DRC1: variants seen among roughly 807,000 people sequenced by gnomAD.
DRC1 encodes the protein dynein regulatory complex protein 1.
Under a neutral mutation model 98.7 loss-of-function variants are expected in DRC1, and 74 were observed. The observed-to-expected ratio is 0.75, with a 90% CI of 0.62 to 0.91. The LOEUF (loss-of-function observed/expected upper bound fraction) is 0.91, where lower values mean the gene tolerates loss of function less well. DRC1 is among the 40% of genes least tolerant of loss of function. The pLI, the probability that DRC1 is intolerant of heterozygous loss-of-function variation, is 0.00. For synonymous variants in DRC1, 336 were observed against 334.1 expected, an observed-to-expected ratio of 1.01 and a Z score of -0.06; for missense variants, 875 against 886.0, an observed-to-expected ratio of 0.99 and a Z score of 0.16.
chr2:26,407,145 T>C (rs975462582), intron 1 of DRC1, among the ~76,000 whole-genome samples: 16 of 152,190 alleles, frequency 1.1e-4, no homozygotes, highest in African/African-American at 3.9e-4. Flanking sequence ...TGGGTAAAGA[T>C]GCGAGATGGA....
chr2:26,424,461 G>A lies in DRC1; in HGVS notation c.540+7G>A. ...CATCAGCGAGTTACAGCAGGCAAGA[G>A]GCCCGGGCCCTCCAGCCCAGCCACA... On this transcript the variant is annotated splice_region_variant and intron_variant, in intron 4 of 16. Transcript: ENST00000288710. 1.3e-6 allele frequency: 2 copies of A among 1,599,594 alleles called. No homozygotes were observed. Among genetic ancestry groups the A allele is most frequent in the Non-Finnish European group, 1.7e-6 (2 of 1,169,774 alleles).
At chr2:26,418,745 ATATAAATTATATTTT>A (rs1409454980) in intron 2 of DRC1, among the ~76,000 whole-genome samples, 2 of 104,170 alleles carry the variant, frequency 1.9e-5, no homozygotes, top group African/African-American at 7.4e-5. Context: ...TTTATATATA[ATATAAATTATATTTT>A]TATATATTAT....
chr2:26,453,641 G>A (rs1366197000), intron 14 of DRC1, 92 bp downstream of exon 14: 1 of 1,312,982 alleles, frequency 7.6e-7, no homozygotes, highest in East Asian at 2.3e-5. Flanking sequence ...GTGGAGAAGA[G>A]TCTGCTGGGC....
intron 8 of DRC1, 58 bp downstream of exon 8, chr2:26,440,575 G>A: frequency 3.3e-6 from 5 of 1,511,946 alleles, no homozygotes; most frequent in Non-Finnish European, 4.4e-6. Context: ...AATAGGGATG[G>A]ATATGTACTT....
chr2:26,452,163 A>G (rs766078056), intron 13 of DRC1, among the ~76,000 whole-genome samples: 6 of 152,162 alleles, frequency 3.9e-5, no homozygotes, highest in Admixed American at 3.9e-4. Context: ...AAACAGGCAC[A>G]CTCATAAGTT....
chr2:26,416,211 T>G (rs1356343014), intron 2 of DRC1, among the ~76,000 whole-genome samples: 1 of 152,194 alleles, frequency 6.6e-6, no homozygotes, highest in Non-Finnish European at 1.5e-5. Context: ...TGACCTAAGA[T>G]CTGGGCAGGC....
intron 2 of DRC1, among the ~76,000 whole-genome samples, chr2:26,418,846 CATATTAT>C (rs1298787024): frequency 3.0e-5 from 4 of 132,328 alleles, no homozygotes; most frequent in Admixed American, 8.5e-5. Context: ...ATATATAAAG[CATATTAT>C]ATATTATATA....
At chr2:26,413,487 C>T (rs1678689835) in intron 1 of DRC1, among the ~76,000 whole-genome samples, 1 of 152,192 alleles carries the variant, frequency 6.6e-6, no homozygotes, top group East Asian at 1.9e-4. Context: ...AAGCTGGGCT[C>T]CCACCTGATA....
At chr2:26,430,923 A>G (rs781213418) in intron 6 of DRC1, 51 bp downstream of exon 6, 10 of 879,384 alleles carry the variant, frequency 1.1e-5, no homozygotes, top group Middle Eastern at 2.9e-4. Flanking sequence ...GGTGATTTTT[A>G]TTGTGACTGA....
intron 1 of DRC1, 43 bp from the exon 2 acceptor site, chr2:26,414,301 G>T (rs369691427): frequency 6.3e-7 from 1 of 1,598,898 alleles, no homozygotes; most frequent in Non-Finnish European, 8.6e-7. Context: ...TAGAATTTAC[G>T]TATTAGAAAT....
At chr2:26,437,964 C>T (rs1267745917) in intron 7 of DRC1, among the ~76,000 whole-genome samples, 1 of 151,536 alleles carries the variant, frequency 6.6e-6, no homozygotes, top group Non-Finnish European at 1.5e-5. Context: ...CGGTGGCACA[C>T]ACCTGTAATC....
chr2:26,444,203 CT>C lies in DRC1; in HGVS notation c.1029-14del. ...ACCTTCTATTCAGCTGCAGACTAACCTTTTTCTCCTTCAACCAGCCTGCATG... is the reference window on the plus strand; with the variant it reads ...ACCTTCTATTCAGCTGCAGACTAACCTTTTCTCCTTCAACCAGCCTGCATG... On this transcript the variant is annotated intron_variant, in intron 8 of 16. Coordinates refer to ENST00000288710, the MANE Select transcript of DRC1 (RefSeq NM_145038.5). 2 of 1,613,786 alleles carry C rather than the reference CT, an allele frequency of 1.2e-6. No individual in the cohort carries two copies.
chr2:26,450,114 G>T, intron 12 of DRC1, 29 bp downstream of exon 12: 1 of 1,598,934 alleles, frequency 6.3e-7, no homozygotes, highest in Non-Finnish European at 8.5e-7. Context: ...GGAGGACACG[G>T]GTGGGGCTGC....
rs1663792175 is a variant in DRC1 at position 26,444,281 on chromosome 2, A to G, written c.1088A>G (p.Gln363Arg). Residue 363 changes from glutamine to arginine, a missense_variant, in exon 9 of 17, where the codon CAG (glutamine) becomes CGG (arginine). Physicochemically the swap from Gln to Arg is conservative, Grantham distance 43 (BLOSUM62 1). Transcript: ENST00000288710. Reference protein sequence around the residue: ...SKYAKQIKQFQEENQSLTSDY... With the variant: ...SKYAKQIKQFREENQSLTSDY... ...TATGCCAAGCAAATAAAGCAGTTTC[A>G]GGAGGAGAACCAGTCTCTAACCTCG... 3.1e-6 allele frequency: 5 copies of G among 1,614,176 alleles called. No homozygotes were observed. The highest frequency in any genetic ancestry group is 1.3e-5 in the African/African-American group (1 of 75,030).
In DRC1 at chr2:26,431,987, A is replaced by G; in HGVS notation, c.869A>G (p.Lys290Arg). The stretch of plus-strand genomic sequence containing the variant: ...GAAGAATACAACATGATCAAGATCA[A>G]GCTGGAGCAGGATGTGCAGGTGCAA... Reference protein sequence around the residue: ...DCEEYNMIKIKLEQDVQILEQ... With the variant: ...DCEEYNMIKIRLEQDVQILEQ... Residue 290 changes from lysine to arginine, a missense_variant, in exon 7 of 17, where the codon AAG becomes AGG. Coordinates refer to ENST00000288710, the MANE Select transcript of DRC1 (RefSeq NM_145038.5). 6.2e-7 allele frequency: 1 copy of G among 1,614,150 alleles called. No homozygotes were observed. Among genetic ancestry groups the G allele is most frequent in the Non-Finnish European group, 8.5e-7 (1 of 1,179,982 alleles).
At chr2:26,451,788 T>C (rs1664013724) in intron 13 of DRC1, among the ~76,000 whole-genome samples, 1 of 152,138 alleles carries the variant, frequency 6.6e-6, no homozygotes, top group South Asian at 2.1e-4. Flanking sequence ...GACTACAGAA[T>C]TTAAAAACAA....
chr2:26,423,989 T>C (rs949593255), intron 3 of DRC1, among the ~76,000 whole-genome samples: 1 of 152,212 alleles, frequency 6.6e-6, no homozygotes, highest in Non-Finnish European at 1.5e-5. Context: ...CCAATCGATC[T>C]TGGTGTGTGT....
Position 26,424,451 on chromosome 2 carries a change from G to A in DRC1, c.537G>A (p.Gln179=), listed in dbSNP as rs2147987459. 3 of 1,605,648 alleles carry A rather than the reference G, an allele frequency of 1.9e-6. No individual in the cohort carries two copies. The highest frequency in any genetic ancestry group is 3.3e-5 in the Admixed American group (2 of 59,886). ...AGAATAAACTCATCAGCGAGTTACA[G>A]CAGGCAAGAGGCCCGGGCCCTCCAG... ...EDKNKLISEL[Q]QELKTKDDQY... The change falls in exon 4 of 17, where the codon CAG becomes CAA. Residue 179 remains glutamine, a synonymous_variant. Transcript: ENST00000288710.
At chr2:26,428,365 A>G (rs1002068372) in intron 4 of DRC1, among the ~76,000 whole-genome samples, 3 of 152,232 alleles carry the variant, frequency 2.0e-5, no homozygotes, top group African/African-American at 7.2e-5. Flanking sequence ...GGTATAACCT[A>G]CTACACACCT....
Sources: allele counts gnomAD v4.1 joint callset (sites outside exome capture counted in the v4.1 genomes callset), GRCh38; gene constraint gnomAD v4.1.1; transcripts MANE v1.5; gene names NCBI Gene and HGNC (gene_info 2026-07-23, HGNC 2026-07-21).